The following PKD1L1 variants were observed in gnomAD, a reference collection of about 807,000 sequenced individuals.
PKD1L1 encodes polycystin 1 like 1, transient receptor potential channel interacting.
PKD1L1 carries 236 observed loss-of-function variants against 323.4 expected under a neutral mutation model. The ratio of observed to expected loss-of-function variants is 0.73; its 90% CI spans 0.66 to 0.81. The LOEUF is 0.81. PKD1L1 is among the 40% of genes least tolerant of loss of function. PKD1L1 has a pLI of 0.00. For missense variants in PKD1L1, 3,320 were observed against 3,508.0 expected (o/e 0.95, Z 1.35); for synonymous variants, 1,344 against 1,335.0 (o/e 1.01, Z -0.15).
At position 47,792,684 on chromosome 7, in the gene PKD1L1, C is replaced by G. The variant is rs763941058; in HGVS notation, c.8469G>C (p.Gly2823=). The change falls in exon 56 of 57, where the codon GGG becomes GGC. Residue 2823 remains glycine (G), a synonymous_variant. Coordinates refer to ENST00000289672, the MANE Select transcript of PKD1L1 (RefSeq NM_138295.5). ...PLLEKTSNNT[G]EARTEESPLV... ...AGGGACTCTCTTCTGTCCTTGCCTC[C>G]CCTGTGTTGTTGGATGTTTTTTCCA... is the stretch of plus-strand genomic sequence containing the variant. 1.2e-6 allele frequency: 2 copies of G among 1,613,910 alleles called. No homozygotes were observed. The highest frequency in any genetic ancestry group is 1.7e-5 in the Admixed American group (1 of 59,992).
chr7:47,839,626 G>A lies in PKD1L1; in HGVS notation c.5589C>T (p.Arg1863=), dbSNP rs1446487730. The change falls in exon 36 of 57, where the codon CGC becomes CGT. Residue 1863 remains arginine (R), a synonymous_variant. Transcript: ENST00000289672. The surrounding 1 kb of genome is among the most constrained non-coding windows in gnomAD (Gnocchi z 4.3). ...PAQLGLLRKI[R]LWHDSRGPSP... ...AAGGCCCACGGCTGTCGTGCCAGAG[G>A]CGGATCTTCCTCAGCAGGCCCAGTT... The A allele has an allele frequency of 1.3e-6, 2 of 1,582,784 alleles. No individual in the cohort carries two copies. The highest frequency in any genetic ancestry group is 1.7e-6 in the Non-Finnish European group (2 of 1,164,408).
chr7:47,827,407 T>A lies in PKD1L1; in HGVS notation c.6797A>T (p.Gln2266Leu), dbSNP rs143964572. The change falls in exon 45 of 57, where the codon CAG (glutamine) becomes CTG (leucine). Residue 2266 changes from glutamine (Q) to leucine (L), a missense_variant. Gln to Leu is a moderately radical substitution (Grantham distance 113). Coordinates refer to ENST00000289672, the MANE Select transcript of PKD1L1 (RefSeq NM_138295.5). Reference protein sequence around the residue: ...LRWAHPPSKAQLRGTRQRMRR... With the variant: ...LRWAHPPSKALLRGTRQRMRR... ...CATCCTCTGTCTGGTGCCCCTCAGC[T>A]GGGCCTTGGATGGTGGATGCGCCCA... The A allele has an allele frequency of 3.8e-5, 61 of 1,613,324 alleles. No homozygotes were observed. The highest frequency in any genetic ancestry group is 4.7e-5 in the Non-Finnish European group (55 of 1,179,870).
intron 56 of PKD1L1, among the ~76,000 whole-genome samples, chr7:47,777,326 AATG>A (rs1237439337): frequency 6.6e-6 from 1 of 152,222 alleles, no homozygotes; most frequent in Non-Finnish European, 1.5e-5. Context: ...CCTCATATCT[AATG>A]ATAAGACCGA....
At chr7:47,879,355 C>T (rs926381335) in intron 21 of PKD1L1, among the ~76,000 whole-genome samples, 1 of 152,076 alleles carries the variant, frequency 6.6e-6, no homozygotes, top group Non-Finnish European at 1.5e-5. Context: ...TGGCTGGGTG[C>T]GGTGGCTTAT....
At chr7:47,865,326 T>A in intron 25 of PKD1L1, 54 bp from the exon 26 acceptor site, 4 of 1,390,444 alleles carry the variant, frequency 2.9e-6, no homozygotes, top group Non-Finnish European at 4.0e-6. Flanking sequence ...AGAGGGAAAT[T>A]AGCTTGTTTG....
chr7:47,821,290 A>G (rs755857311), intron 45 of PKD1L1, 104 bp from the exon 46 acceptor site: 31 of 629,744 alleles, frequency 4.9e-5, no homozygotes, highest in Non-Finnish European at 7.3e-5. Flanking sequence ...TATTTTTGAG[A>G]CGGAGTCTCA....
At chr7:47,811,695 G>A in intron 50 of PKD1L1, 122 bp downstream of exon 50, 1 of 743,282 alleles carries the variant, frequency 1.3e-6, no homozygotes. Flanking sequence ...GTGACAAAGA[G>A]TGTGACCGGA....
At chr7:47,944,209 G>C (rs1367460403) in intron 1 of PKD1L1, among the ~76,000 whole-genome samples, 1 of 152,094 alleles carries the variant, frequency 6.6e-6, no homozygotes, top group Non-Finnish European at 1.5e-5. Context: ...CTCATGGCTT[G>C]GTGCTGTCTT....
At chr7:47,872,286 G>C (rs2128744896) in intron 24 of PKD1L1, among the ~76,000 whole-genome samples, 1 of 152,266 alleles carries the variant, frequency 6.6e-6, no homozygotes, top group African/African-American at 2.4e-5. Context: ...TGCAGAAATC[G>C]ACAGGCTGAT....
chr7:47,937,122 T>C (rs1787883386), intron 3 of PKD1L1, among the ~76,000 whole-genome samples, 164 bp from the exon 4 acceptor site: 1 of 152,026 alleles, frequency 6.6e-6, no homozygotes, highest in African/African-American at 2.4e-5. Context: ...GCAGACAGCT[T>C]CATCCTCCCA....
At chr7:47,906,062 C>A in intron 9 of PKD1L1, 100 bp from the exon 10 acceptor site, 1 of 1,178,974 alleles carries the variant, frequency 8.5e-7, no homozygotes, top group Non-Finnish European at 1.1e-6. Flanking sequence ...AACTTTCCCC[C>A]TTTGAATCTC....
At chr7:47,958,970 C>T in the PKD1L1 span, among the ~76,000 whole-genome samples, 22 of 152,288 alleles carry the variant, frequency 1.4e-4, no homozygotes, top group African/African-American at 5.1e-4. Context: ...TGCAGGCGCG[C>T]GCCACCATGC....
Position 47,863,055 on chromosome 7 carries a change from G to A in PKD1L1, c.4149+2161C>T, listed in dbSNP as rs141904415. Among the ~76,000 whole-genome samples, 876 of 152,290 alleles carry A rather than the reference G, an allele frequency of 5.8e-3. 7 individuals carry two copies. The highest frequency in any genetic ancestry group is 0.02 in the African/African-American group (831 of 41,552). ...ACATTTGCTTGGATTTGGGTGAAGC[G>A]CAGTAGAGGCAGGAGAGGTAGGAAG... On this transcript the variant is annotated intron_variant, in intron 26 of 56. Coordinates refer to ENST00000289672, the MANE Select transcript of PKD1L1 (RefSeq NM_138295.5).
intron 16 of PKD1L1, among the ~76,000 whole-genome samples, chr7:47,890,207 C>T (rs887097269): frequency 6.6e-6 from 1 of 152,226 alleles, no homozygotes; most frequent in Admixed American, 6.5e-5. Flanking sequence ...GCTTTGCCTC[C>T]TGGCTTCAGT....
intron 46 of PKD1L1, among the ~76,000 whole-genome samples, chr7:47,817,501 T>C (rs940956847): frequency 2.0e-5 from 3 of 152,270 alleles, no homozygotes; most frequent in African/African-American, 7.2e-5. Flanking sequence ...CAAATAAATG[T>C]CACTAGTGTA....
Position 47,912,595 on chromosome 7 carries a change from C to T in PKD1L1, c.1228+2837G>A, listed in dbSNP as rs187760522. 5.9e-3 allele frequency among the ~76,000 whole-genome samples: 897 copies of T among 151,946 alleles called. 10 individuals carry two copies. The highest frequency in any genetic ancestry group is 5.9e-3 in the Non-Finnish European group (400 of 67,972). ...CTTTGGGAGGCTGAGGCGGGTGGAT[C>T]GCTTGAGGTCAGGAGTTTGAGCCTG... On this transcript the variant is annotated intron_variant, in intron 8 of 56. Transcript: ENST00000289672.
At chr7:47,858,072 T>G (rs542078275) in intron 27 of PKD1L1, among the ~76,000 whole-genome samples, 17 of 152,260 alleles carry the variant, frequency 1.1e-4, no homozygotes, top group Admixed American at 1.0e-3. Context: ...ATTTACTTGC[T>G]AATTTCCCAA....
intron 7 of PKD1L1, among the ~76,000 whole-genome samples, chr7:47,919,117 G>T (rs1245569063): frequency 1.3e-5 from 2 of 151,900 alleles, no homozygotes; most frequent in Non-Finnish European, 2.9e-5. Flanking sequence ...AAAATTGATG[G>T]ACCATTAGCA....
At chr7:47,934,593 CA>C (rs1562997236) in intron 4 of PKD1L1, among the ~76,000 whole-genome samples, 1 of 152,156 alleles carries the variant, frequency 6.6e-6, no homozygotes, top group African/African-American at 2.4e-5. Flanking sequence ...AAAACAACAA[CA>C]ACAAACCTGC....
Sources: allele counts gnomAD v4.1 joint callset (sites outside exome capture counted in the v4.1 genomes callset), GRCh38; gene constraint gnomAD v4.1.1; non-coding constraint Gnocchi (gnomAD v3.1); transcripts MANE v1.5; gene names NCBI Gene and HGNC (gene_info 2026-07-23, HGNC 2026-07-21).